ARHGEF7: variants seen among roughly 807,000 people sequenced by gnomAD.
ARHGEF7 encodes Rho guanine nucleotide exchange factor 7.
ARHGEF7 carries 33 observed loss-of-function variants against 109.8 expected under a neutral mutation model. The observed-to-expected ratio is 0.30, with a 90% CI of 0.23 to 0.40. The LOEUF is 0.40. Among genes scored for constraint, ARHGEF7 ranks in the 10% least tolerant of loss-of-function variants. ARHGEF7 has a pLI of 1.00. For synonymous variants in ARHGEF7, 458 were observed against 424.6 expected, an observed-to-expected ratio of 1.08 and a Z score of -0.97; for missense variants, 938 against 1,098.5, an observed-to-expected ratio of 0.85 and a Z score of 2.07.
intron 1 of ARHGEF7, among the ~76,000 whole-genome samples, chr13:111,152,550 C>G (rs2075946856): frequency 6.6e-6 from 1 of 152,176 alleles, no homozygotes; most frequent in Non-Finnish European, 1.5e-5. Flanking sequence ...TTTGGCATTG[C>G]TGAACACTTG....
intron 13 of ARHGEF7, 33 bp from the exon 14 acceptor site, chr13:111,280,237 TTG>T (rs1263564671): frequency 6.4e-7 from 1 of 1,552,182 alleles, no homozygotes; most frequent in Non-Finnish European, 8.8e-7. Context: ...AAAGCACTAA[TTG>T]TTTTTTTTTT....
intron 2 of ARHGEF7, among the ~76,000 whole-genome samples, chr13:111,197,368 C>G (rs2080651475): frequency 6.6e-6 from 1 of 152,068 alleles, no homozygotes; most frequent in South Asian, 2.1e-4. Context: ...ATTTAGTGGC[C>G]CTTACCGACG....
intron 19 of ARHGEF7, among the ~76,000 whole-genome samples, chr13:111,295,986 A>C (rs539137831): frequency 6.6e-6 from 1 of 152,348 alleles, no homozygotes; most frequent in Non-Finnish European, 1.5e-5. Flanking sequence ...ACAAGCATGC[A>C]TGCACACCAC....
At chr13:111,160,164 CAT>C (rs1291392196) in intron 2 of ARHGEF7, among the ~76,000 whole-genome samples, 3 of 152,160 alleles carry the variant, frequency 2.0e-5, no homozygotes, top group African/African-American at 7.2e-5. Context: ...TTGACTGTAT[CAT>C]GTGAGTTTAA....
intron 2 of ARHGEF7, among the ~76,000 whole-genome samples, chr13:111,166,104 G>C (rs1453425661): frequency 2.0e-5 from 3 of 152,180 alleles, no homozygotes; most frequent in Admixed American, 6.5e-5. Context: ...CATTAGCCCA[G>C]GCTGTCCACA....
intron 2 of ARHGEF7, among the ~76,000 whole-genome samples, chr13:111,160,186 C>G (rs1222779334): frequency 1.3e-5 from 2 of 152,176 alleles, no homozygotes; most frequent in East Asian, 3.8e-4. Context: ...ATTCTCAGCT[C>G]TCTATTCTGC....
chr13:111,208,289 C>A (rs1415553487), intron 3 of ARHGEF7, among the ~76,000 whole-genome samples: 2 of 152,198 alleles, frequency 1.3e-5, no homozygotes, highest in African/African-American at 4.8e-5. Context: ...ATCCACCAGC[C>A]TCTGCCTCCC....
At position 111,169,794 on chromosome 13, in the gene ARHGEF7, C is replaced by T. The variant is rs140343293; in HGVS notation, c.252+15803C>T. On this transcript the variant is annotated intron_variant, in intron 2 of 21. Transcript: ENST00000646102. Reference sequence around the variant, plus strand: ...TCACCTCTGTTTGCTAGACACCGTTCTAGTTGCTGGAGGTGGCTTGGTGAG... The same window carrying T: ...TCACCTCTGTTTGCTAGACACCGTTTTAGTTGCTGGAGGTGGCTTGGTGAG... Among the ~76,000 whole-genome samples, 956 of 152,298 alleles carry T rather than the reference C, an allele frequency of 6.3e-3. 14 individuals carry two copies. The highest frequency in any genetic ancestry group is 0.027 in the Middle Eastern group (8 of 294).
intron 11 of ARHGEF7, 28 bp from the exon 12 acceptor site, chr13:111,275,504 G>A (rs889176793): frequency 1.9e-6 from 3 of 1,612,358 alleles, no homozygotes; most frequent in Non-Finnish European, 1.7e-6. Flanking sequence ...GTTTATGTCT[G>A]TTAACAGTGT....
chr13:111,156,865 A>G (rs977016832), intron 2 of ARHGEF7, among the ~76,000 whole-genome samples: 3 of 152,254 alleles, frequency 2.0e-5, no homozygotes, highest in Non-Finnish European at 2.9e-5. Context: ...CTTTTGTTCT[A>G]TAGTTGTAAA....
chr13:111,172,694 T>C (rs933299489), intron 2 of ARHGEF7, among the ~76,000 whole-genome samples: 4 of 152,186 alleles, frequency 2.6e-5, no homozygotes, highest in Non-Finnish European at 5.9e-5. Flanking sequence ...GAGAGAGGGG[T>C]CCTGGTGCTG....
At chr13:111,229,682 G>A (rs973454317) in intron 5 of ARHGEF7, among the ~76,000 whole-genome samples, 33 of 152,112 alleles carry the variant, frequency 2.2e-4, no homozygotes, top group African/African-American at 7.7e-4. Context: ...ATTCCTGATG[G>A]TGGGTTCCTG....
intron 2 of ARHGEF7, among the ~76,000 whole-genome samples, chr13:111,193,776 A>C (rs2080177866): frequency 6.6e-6 from 1 of 152,180 alleles, no homozygotes; most frequent in Non-Finnish European, 1.5e-5. Context: ...TATACAGGTT[A>C]AGGTCAGGAT....
intron 19 of ARHGEF7, chr13:111,292,996 C>T (rs999746380): frequency 4.1e-6 from 4 of 985,530 alleles, no homozygotes; most frequent in Non-Finnish European, 4.8e-6. Context: ...TGGGAGCTCT[C>T]CTTTCCAAAG....
At chr13:111,207,968 C>G (rs1273232167) in intron 3 of ARHGEF7, among the ~76,000 whole-genome samples, 1 of 152,170 alleles carries the variant, frequency 6.6e-6, no homozygotes, top group Non-Finnish European at 1.5e-5. Context: ...ATGACCCCTC[C>G]TAGATGGAAG....
At chr13:111,189,731 C>T (rs537814580) in intron 2 of ARHGEF7, among the ~76,000 whole-genome samples, 2 of 152,134 alleles carry the variant, frequency 1.3e-5, no homozygotes, top group African/African-American at 2.4e-5. Context: ...CCGATTGGTG[C>T]GTTTTTACAG....
At chr13:111,281,181 CTTTTTTTTTTTTTTT>C (rs11403258) in intron 15 of ARHGEF7, 8 of 59,446 alleles carry the variant, frequency 1.3e-4, no homozygotes, top group South Asian at 9.3e-4. Context: ...TATTTAGAGA[CTTTTTTTTTTTTTTT>C]TTTTTTTTTT....
intron 8 of ARHGEF7, among the ~76,000 whole-genome samples, chr13:111,262,791 T>C (rs937017826): frequency 1.3e-5 from 2 of 152,198 alleles, no homozygotes; most frequent in Non-Finnish European, 2.9e-5. Context: ...TGTGAAGATG[T>C]AGATGGTATG....
intron 2 of ARHGEF7, among the ~76,000 whole-genome samples, chr13:111,161,496 A>G (rs1285636626): frequency 6.6e-6 from 1 of 152,212 alleles, no homozygotes; most frequent in Non-Finnish European, 1.5e-5. Flanking sequence ...ACATAAATTC[A>G]TGCAAAACTC....
Sources: allele counts gnomAD v4.1 joint callset (sites outside exome capture counted in the v4.1 genomes callset), GRCh38; gene constraint gnomAD v4.1.1; transcripts MANE v1.5; gene names NCBI Gene and HGNC (gene_info 2026-07-23, HGNC 2026-07-21).